The following TRPS1 variants were observed in gnomAD, a reference collection of about 807,000 sequenced individuals.
The protein encoded by TRPS1 is zinc finger transcription factor Trps1.
Under a neutral mutation model 101.2 loss-of-function variants are expected in TRPS1, and 6 were observed. That is an observed-to-expected ratio of 0.06 (90% CI 0.03 to 0.12). The LOEUF is 0.12. TRPS1 is among the 10% of genes least tolerant of loss of function. The probability of loss-of-function intolerance (pLI) is 1.00; values close to 1 mark genes in which losing one functional copy is unlikely to be tolerated. For synonymous variants in TRPS1, 578 were observed against 589.8 expected (o/e 0.98, Z 0.29); for missense variants, 1,363 against 1,567.0 (o/e 0.87, Z 2.20).
intron 5 of TRPS1, among the ~76,000 whole-genome samples, chr8:115,527,865 C>G (rs1816037226): frequency 1.3e-5 from 2 of 152,040 alleles, no homozygotes; most frequent in African/African-American, 4.8e-5. Context: ...GTTATCTATT[C>G]TCAAAGTGTC....
At position 115,473,536 on chromosome 8, in the gene TRPS1, C is replaced by T. The variant is rs1353940520; in HGVS notation, c.2701-55084G>A. Reference sequence around the variant, plus strand: ...ATGCACTACACATCAGTTTCCCTGTCAAAAAGCAGTTATTATTATTTTTTC... The same window carrying T: ...ATGCACTACACATCAGTTTCCCTGTTAAAAAGCAGTTATTATTATTTTTTC... On this transcript the variant is annotated intron_variant, in intron 5 of 6. Coordinates refer to ENST00000395715, the MANE Select transcript of TRPS1 (RefSeq NM_014112.5). 2.0e-5 allele frequency among the ~76,000 whole-genome samples: 3 copies of T among 152,076 alleles called. No homozygotes were observed. In the East Asian group the frequency reaches 5.8e-4, roughly 29 times the overall value.
chr8:115,608,596 T>C (rs1020959324), intron 3 of TRPS1, among the ~76,000 whole-genome samples: 4 of 147,338 alleles, frequency 2.7e-5, no homozygotes, highest in African/African-American at 1.1e-4. Context: ...CTGGCCTCTA[T>C]GGATACAATA....
intron 5 of TRPS1, among the ~76,000 whole-genome samples, chr8:115,556,728 T>C (rs551875819): frequency 1.3e-5 from 2 of 152,154 alleles, no homozygotes; most frequent in South Asian, 4.1e-4. Context: ...CTTAATGAAG[T>C]TGGGAACACT....
chr8:115,606,507 A>G (rs1026715871), intron 3 of TRPS1, among the ~76,000 whole-genome samples: 5 of 152,166 alleles, frequency 3.3e-5, no homozygotes, highest in Admixed American at 2.6e-4. Flanking sequence ...AATGTCTATA[A>G]CCAGAACCCC....
At chr8:115,589,172 G>A (rs1481340324) in intron 4 of TRPS1, among the ~76,000 whole-genome samples, 3 of 152,182 alleles carry the variant, frequency 2.0e-5, no homozygotes, top group African/African-American at 7.2e-5. Context: ...AGAGGAATAA[G>A]TGTGAGGAAG....
At chr8:115,519,122 T>G (rs1368355442) in intron 5 of TRPS1, among the ~76,000 whole-genome samples, 1 of 151,780 alleles carries the variant, frequency 6.6e-6, no homozygotes, top group Non-Finnish European at 1.5e-5. Context: ...CTGCTACTTT[T>G]TCGTTTTTCT....
chr8:115,459,836 T>A (rs1814122088), intron 5 of TRPS1, among the ~76,000 whole-genome samples: 1 of 152,238 alleles, frequency 6.6e-6, no homozygotes. Flanking sequence ...AATGTTGAGT[T>A]ATACAAATGG....
At chr8:115,637,189 T>C in intron 1 of TRPS1, 1 of 919,056 alleles carries the variant, frequency 1.1e-6, no homozygotes. Context: ...TATTAACATA[T>C]GTCAAGAAAC....
At chr8:115,437,666 T>A (rs1813490017) in intron 5 of TRPS1, among the ~76,000 whole-genome samples, 1 of 152,230 alleles carries the variant, frequency 6.6e-6, no homozygotes, top group Non-Finnish European at 1.5e-5. Flanking sequence ...AAGGAAGTTT[T>A]TGCCATCTTT....
intron 5 of TRPS1, among the ~76,000 whole-genome samples, chr8:115,578,332 G>A (rs1260312844): frequency 1.3e-5 from 2 of 152,040 alleles, no homozygotes; most frequent in African/African-American, 4.8e-5. Context: ...AGATAGCAGT[G>A]ACTTGGACGT....
At chr8:115,616,281 C>T (rs953495188) in intron 3 of TRPS1, among the ~76,000 whole-genome samples, 3 of 152,160 alleles carry the variant, frequency 2.0e-5, no homozygotes, top group African/African-American at 7.2e-5. Context: ...CTAATTTATA[C>T]AAAAGTGGAT....
At chr8:115,618,876 T>C (rs1337696131) in intron 3 of TRPS1, among the ~76,000 whole-genome samples, 1 of 152,218 alleles carries the variant, frequency 6.6e-6, no homozygotes, top group African/African-American at 2.4e-5. Flanking sequence ...TTGTGAAGCT[T>C]AGCTAATTCC....
chr8:115,464,179 T>G (rs1814261287), intron 5 of TRPS1, among the ~76,000 whole-genome samples: 1 of 152,108 alleles, frequency 6.6e-6, no homozygotes. Context: ...AGCCTAGTAA[T>G]AGAGCACAGA....
Position 115,623,713 on chromosome 8 carries a change from G to A in TRPS1, c.-76C>T. ...GGAGGCTAATGCAATTGTCTTAGAA[G>A]ACGCTCAGAAGACACAGAAGACATT... On this transcript the variant is annotated 5_prime_UTR_variant, in exon 2 of 7. Coordinates refer to ENST00000395715, the MANE Select transcript of TRPS1 (RefSeq NM_014112.5). 1 of 1,582,788 alleles carries A rather than the reference G, an allele frequency of 6.3e-7. No individual in the cohort carries two copies.
intron 5 of TRPS1, among the ~76,000 whole-genome samples, chr8:115,577,872 A>G (rs974863740): frequency 4.6e-5 from 7 of 152,158 alleles, no homozygotes; most frequent in African/African-American, 1.7e-4. Flanking sequence ...TGCGACATAC[A>G]TCGGGGGAAG....
chr8:115,582,265 T>TA (rs1563620517), intron 5 of TRPS1, among the ~76,000 whole-genome samples: 1 of 151,896 alleles, frequency 6.6e-6, no homozygotes, highest in South Asian at 2.1e-4. Flanking sequence ...CATCTTTAGT[T>TA]AAAAAAAAGC....
chr8:115,583,249 C>T lies in TRPS1; in HGVS notation c.2700+3752G>A, dbSNP rs1411594909. 2.2e-5 allele frequency among the ~76,000 whole-genome samples: 3 copies of T among 138,426 alleles called. No individual in the cohort carries two copies. The South Asian group carries it at 7.1e-4, about 33-fold the overall frequency. The allele number at this position is 138,426 out of a possible 152,430, so 90.8% of individuals were successfully genotyped here. A position where few individuals can be genotyped will look rare whatever the true frequency, so the allele number is the denominator to read the frequency against. The stretch of plus-strand genomic sequence containing the variant: ...CATAAATTTATCTAAAAAATAAATA[C>T]CTTTGTGTAGATGTACATCATAAAA... On this transcript the variant is annotated intron_variant, in intron 5 of 6. Coordinates refer to ENST00000395715, the MANE Select transcript of TRPS1 (RefSeq NM_014112.5).
At chr8:115,639,288 C>T (rs995769808) in intron 1 of TRPS1, among the ~76,000 whole-genome samples, 2 of 152,050 alleles carry the variant, frequency 1.3e-5, no homozygotes, top group Admixed American at 6.6e-5. Flanking sequence ...AGGCTGGTCT[C>T]GAACTCCAAG....
At chr8:115,579,194 C>T (rs1817388377) in intron 5 of TRPS1, among the ~76,000 whole-genome samples, 1 of 152,076 alleles carries the variant, frequency 6.6e-6, no homozygotes, top group African/African-American at 2.4e-5. Flanking sequence ...AAACTGAATG[C>T]TAAATTGACA....
Sources: gnomAD v4.1 joint callset for allele counts (sites outside exome capture counted in the v4.1 genomes callset) on GRCh38, gnomAD v4.1.1 for gene constraint, MANE v1.5 for transcripts, NCBI Gene and HGNC (gene_info 2026-07-23, HGNC 2026-07-21) for gene names.